NR2C2: variants seen among roughly 807,000 people sequenced by gnomAD.
NR2C2 encodes the protein Nuclear hormone receptor TR4.
NR2C2 carries 6 observed loss-of-function variants against 62.9 expected under a neutral mutation model. The ratio of observed to expected loss-of-function variants is 0.10; its 90% CI spans 0.05 to 0.19. The LOEUF (loss-of-function observed/expected upper bound fraction) is 0.19. Among genes scored for constraint, NR2C2 ranks in the 10% least tolerant of loss-of-function variants. The probability of loss-of-function intolerance (pLI) is 1.00; values close to 1 mark genes in which losing one functional copy is unlikely to be tolerated. For missense variants in NR2C2, 479 were observed against 762.7 expected, an observed-to-expected ratio of 0.63 and a Z score of 4.38; for synonymous variants, 272 against 273.8, an observed-to-expected ratio of 0.99 and a Z score of 0.07.
intron 2 of NR2C2, among the ~76,000 whole-genome samples, chr3:15,005,368 C>CTT (rs761731325): frequency 6.4e-3 from 528 of 82,902 alleles, no homozygotes; most frequent in African/African-American, 9.2e-3. Flanking sequence ...ACGCATAATG[C>CTT]TTTTTTTTTT....
At chr3:15,004,919 TTTTA>T (rs1227279218) in intron 2 of NR2C2, among the ~76,000 whole-genome samples, 1 of 152,098 alleles carries the variant, frequency 6.6e-6, no homozygotes, top group Non-Finnish European at 1.5e-5. Flanking sequence ...CTTGCTTTCT[TTTTA>T]TTTATTTATT....
In NR2C2 at chr3:15,013,778, G is replaced by A; in HGVS notation, c.262G>A (p.Gly88Ser). The A allele has an allele frequency of 1.2e-6, 2 of 1,614,142 alleles. No individual in the cohort carries two copies. The highest frequency in any genetic ancestry group is 1.7e-6 in the Non-Finnish European group (2 of 1,180,016). Residue 88 changes from glycine to serine, a missense_variant, in exon 3 of 14, where the codon GGC becomes AGC. Transcript: ENST00000425241. ...CACCACCTCAGACAACCTCGTCCCT[G>A]GCAGGATCCAGGTAAGGCCTTTGGA... ...IFTTSDNLVP[G>S]RIQIVTDSAS...
At chr3:14,958,610 GA>G (rs1268451632) in intron 1 of NR2C2, among the ~76,000 whole-genome samples, 1 of 152,200 alleles carries the variant, frequency 6.6e-6, no homozygotes, top group Non-Finnish European at 1.5e-5. Context: ...CACCAGCCAA[GA>G]AGGTTGTTTT....
chr3:14,969,435 G>T (rs1357077936), intron 1 of NR2C2, among the ~76,000 whole-genome samples: 1 of 151,928 alleles, frequency 6.6e-6, no homozygotes, highest in Non-Finnish European at 1.5e-5. Context: ...CAGAGATGGG[G>T]TTTCACTGTG....
intron 1 of NR2C2, among the ~76,000 whole-genome samples, chr3:14,974,609 GTT>G (rs563116807): frequency 1.4e-5 from 2 of 138,782 alleles, no homozygotes; most frequent in African/African-American, 2.6e-5. Context: ...TTTTTTGTTG[GTT>G]TTTTTTTTTT....
chr3:14,995,498 A>G (rs73145280), intron 1 of NR2C2, among the ~76,000 whole-genome samples: 2,062 of 152,286 alleles, frequency 0.014, 50 homozygotes, highest in African/African-American at 0.047. Context: ...TCCATGTTGT[A>G]GCATGTACCA....
rs2042413122 is a variant in NR2C2, at chr3:15,045,370, G to A, written c.*2362G>A. ...CAGTAGGCTGCTTAGACTCAGGCTG[G>A]ATAAGGAAGTGTTGGGCTGTGGTGA... On this transcript the variant is annotated 3_prime_UTR_variant, in exon 14 of 14. Transcript: ENST00000425241. 1 of 152,692 alleles carries A rather than the reference G, an allele frequency of 6.5e-6. No homozygotes were observed. The allele number at this position is 152,692 out of a possible 1,614,324, so 9.5% of individuals were successfully genotyped here.
At chr3:14,976,495 G>C (rs963934892) in intron 1 of NR2C2, among the ~76,000 whole-genome samples, 1 of 151,564 alleles carries the variant, frequency 6.6e-6, no homozygotes, top group African/African-American at 2.4e-5. Context: ...CTGACCTCCT[G>C]CTGTAGTCCC....
intron 1 of NR2C2, among the ~76,000 whole-genome samples, chr3:14,957,536 G>C (rs576246036): frequency 6.6e-6 from 1 of 152,168 alleles, no homozygotes; most frequent in Non-Finnish European, 1.5e-5. Flanking sequence ...TGTCACATAA[G>C]GCCAACCAAG....
At chr3:14,948,943 A>C (rs547636099) in intron 1 of NR2C2, among the ~76,000 whole-genome samples, 57 of 152,232 alleles carry the variant, frequency 3.7e-4, no homozygotes, top group African/African-American at 1.3e-3. Context: ...CAGAAAATGG[A>C]GGCAACGCTA....
chr3:14,992,704 C>T (rs2040705603), intron 1 of NR2C2, among the ~76,000 whole-genome samples: 1 of 152,118 alleles, frequency 6.6e-6, no homozygotes, highest in Admixed American at 6.5e-5. Context: ...TTTAATAAAA[C>T]ATTTGTGTGT....
chr3:15,020,760 C>T lies in NR2C2; in HGVS notation c.384C>T (p.His128=). 3 of 1,614,044 alleles carry T rather than the reference C, an allele frequency of 1.9e-6. No individual in the cohort carries two copies. Among genetic ancestry groups the T allele is most frequent in the Non-Finnish European group, 2.5e-6 (3 of 1,179,986 alleles). Residue 128 remains histidine, a synonymous_variant, in exon 5 of 14, where the codon CAC becomes CAT. Transcript: ENST00000425241. ...VVCGDKASGR[H]YGAVSCEGCK... is the part of the protein sequence containing the mutation. ...TTCTTTCTCCTGTTTCAGGCCGTCA[C>T]TATGGGGCTGTCAGTTGTGAAGGTT...
intron 1 of NR2C2, among the ~76,000 whole-genome samples, chr3:14,985,725 A>G (rs2040496912): frequency 6.6e-6 from 1 of 152,062 alleles, no homozygotes. Context: ...TTATTTAGCT[A>G]CTCCTCTAAG....
chr3:15,025,038 G>A (rs139716396), intron 7 of NR2C2, among the ~76,000 whole-genome samples: 1 of 152,226 alleles, frequency 6.6e-6, no homozygotes, highest in African/African-American at 2.4e-5. Context: ...TGGTCCTCAG[G>A]CTGGGCCTTG....
chr3:14,951,011 AT>A (rs2039340941), intron 1 of NR2C2, among the ~76,000 whole-genome samples: 1 of 152,180 alleles, frequency 6.6e-6, no homozygotes, highest in African/African-American at 2.4e-5. Flanking sequence ...TTTCCCACTC[AT>A]TTTTTTATGA....
At chr3:14,960,383 A>T (rs2039657436) in intron 1 of NR2C2, among the ~76,000 whole-genome samples, 1 of 152,178 alleles carries the variant, frequency 6.6e-6, no homozygotes, top group Non-Finnish European at 1.5e-5. Flanking sequence ...ACCTGTTGTT[A>T]GATTTATCTT....
At chr3:14,976,021 AC>A (rs1278151608) in intron 1 of NR2C2, among the ~76,000 whole-genome samples, 3 of 151,860 alleles carry the variant, frequency 2.0e-5, no homozygotes, top group African/African-American at 7.3e-5. Flanking sequence ...CAATCTTCCC[AC>A]CTCCACCTTC....
intron 4 of NR2C2, among the ~76,000 whole-genome samples, chr3:15,017,814 G>C (rs544760756): frequency 2.0e-5 from 3 of 152,328 alleles, no homozygotes; most frequent in African/African-American, 7.2e-5. Context: ...AGAACAGTGG[G>C]ATTCTCTGTA....
At chr3:14,958,193 A>G (rs2039581788) in intron 1 of NR2C2, among the ~76,000 whole-genome samples, 1 of 152,186 alleles carries the variant, frequency 6.6e-6, no homozygotes. Flanking sequence ...AAGGACAAGG[A>G]CTGTTTATTC....
Sources: allele counts gnomAD v4.1 joint callset (sites outside exome capture counted in the v4.1 genomes callset), GRCh38; gene constraint gnomAD v4.1.1; transcripts MANE v1.5; gene names NCBI Gene and HGNC (gene_info 2026-07-23, HGNC 2026-07-21).